TTC6: variants seen among roughly 807,000 people sequenced by gnomAD.
TTC6 encodes the protein tetratricopeptide repeat domain 6.
A neutral mutation model predicts 210.4 loss-of-function variants in TTC6; 172 were observed. The observed-to-expected ratio is 0.82, with a 90% CI of 0.72 to 0.93. The LOEUF is 0.93. TTC6 is among the 40% of genes least tolerant of loss of function. The probability of loss-of-function intolerance (pLI) is 0.00; values close to 1 mark genes in which losing one functional copy is unlikely to be tolerated. For missense variants in TTC6, 2,414 were observed against 2,318.1 expected, an observed-to-expected ratio of 1.04 and a Z score of -0.85; for synonymous variants, 804 against 819.6, an observed-to-expected ratio of 0.98 and a Z score of 0.32.
chr14:37,806,362 C>G (rs979837927), exon 22 of TTC6: 1 of 1,534,760 alleles, frequency 6.5e-7, no homozygotes, highest in African/African-American at 1.4e-5. Context: ...CTCCTGTAGG[C>G]TTTTGATTCT....
chr14:37,662,196 A>G (rs1384437440), intron 1 of TTC6, among the ~76,000 whole-genome samples: 1 of 152,184 alleles, frequency 6.6e-6, no homozygotes, highest in Non-Finnish European at 1.5e-5. Context: ...TATGTTAAAT[A>G]GGAGTGGTGA....
At chr14:37,734,900 ATTG>A (rs2095897485) in intron 7 of TTC6, among the ~76,000 whole-genome samples, 1 of 152,198 alleles carries the variant, frequency 6.6e-6, no homozygotes, top group African/African-American at 2.4e-5. Flanking sequence ...TTTTGTCCTT[ATTG>A]TTGTTAAAAG....
exon 27 of TTC6, chr14:37,823,821 A>T: frequency 6.2e-7 from 1 of 1,614,014 alleles, no homozygotes; most frequent in Non-Finnish European, 8.5e-7. Flanking sequence ...CTGGATGCTT[A>T]TGTTGGACGG....
In TTC6 at chr14:37,659,152, C is replaced by A. The variant is rs150944344; in HGVS notation, c.940-20999C>A. Among the ~76,000 whole-genome samples the A allele has an allele frequency of 3.9e-5, 6 of 151,962 alleles. 1 individual carries two copies. Among genetic ancestry groups the A allele is most frequent in the African/African-American group, 9.7e-5 (4 of 41,366 alleles). On this transcript the variant is annotated intron_variant, in intron 1 of 30. Transcript: ENST00000553443. ...GCTGCATAGTATTTCATGGTATATA[C>A]GTACCACATTTTCTTTATTCACTCT...
At chr14:37,782,871 A>C (rs2096058592) in intron 14 of TTC6, among the ~76,000 whole-genome samples, 1 of 152,170 alleles carries the variant, frequency 6.6e-6, no homozygotes, top group Admixed American at 6.5e-5. Context: ...CCTTTTCTGC[A>C]TCTATTGAGA....
At chr14:37,793,833 CAA>C (rs1407641848) in intron 17 of TTC6, among the ~76,000 whole-genome samples, 1 of 152,018 alleles carries the variant, frequency 6.6e-6, no homozygotes, top group East Asian at 1.9e-4. Flanking sequence ...GAGATGGAGA[CAA>C]GAGTGAATAG....
chr14:37,719,549 A>G (rs67967140), intron 6 of TTC6, among the ~76,000 whole-genome samples: 10,901 of 152,198 alleles, frequency 0.072, 465 homozygotes, highest in African/African-American at 0.12. Context: ...ATGGACTCCT[A>G]CAGATATGCA....
chr14:37,780,101 G>T (rs1389728015), intron 14 of TTC6, among the ~76,000 whole-genome samples: 4 of 152,032 alleles, frequency 2.6e-5, no homozygotes, highest in East Asian at 1.9e-4. Context: ...ATTACAAAAG[G>T]TTTATTCTGT....
At chr14:37,596,600 G>A (rs919468361) in intron 1 of TTC6, among the ~76,000 whole-genome samples, 1 of 152,236 alleles carries the variant, frequency 6.6e-6, no homozygotes, top group African/African-American at 2.4e-5. Flanking sequence ...GAGATGGTGC[G>A]TGTGTTTTGA....
At chr14:37,673,440 A>G (rs1343653812) in intron 1 of TTC6, among the ~76,000 whole-genome samples, 1 of 152,182 alleles carries the variant, frequency 6.6e-6, no homozygotes, top group African/African-American at 2.4e-5. Flanking sequence ...CTAAGTGCTG[A>G]TGAAATCATA....
chr14:37,737,396 AG>A (rs1434345351), intron 8 of TTC6, among the ~76,000 whole-genome samples: 1 of 151,148 alleles, frequency 6.6e-6, no homozygotes, highest in Admixed American at 6.7e-5. Flanking sequence ...TGTACATAGC[AG>A]GTACTTGGTG....
At chr14:37,838,757 G>A (rs1333158675) in intron 29 of TTC6, among the ~76,000 whole-genome samples, 1 of 152,064 alleles carries the variant, frequency 6.6e-6, no homozygotes, top group African/African-American at 2.4e-5. Context: ...AGGTGTAAAT[G>A]TGCCATGTGG....
At chr14:37,784,219 G>A (rs1026654404) in intron 14 of TTC6, among the ~76,000 whole-genome samples, 4 of 152,068 alleles carry the variant, frequency 2.6e-5, no homozygotes, top group African/African-American at 9.7e-5. Context: ...TTGACAGTGG[G>A]GTGTTAAAGT....
chr14:37,799,520 A>G (rs1286769557), intron 20 of TTC6, among the ~76,000 whole-genome samples: 2 of 152,116 alleles, frequency 1.3e-5, no homozygotes, highest in African/African-American at 2.4e-5. Flanking sequence ...AGTGGAACCT[A>G]TGTCTCACTT....
At chr14:37,634,769 T>G (rs1237008706) in intron 1 of TTC6, among the ~76,000 whole-genome samples, 1 of 152,176 alleles carries the variant, frequency 6.6e-6, no homozygotes, top group Non-Finnish European at 1.5e-5. Context: ...AGAAAATAAT[T>G]TGAGAGTAGA....
At chr14:37,836,657 AC>A (rs1349481070) in intron 29 of TTC6, among the ~76,000 whole-genome samples, 1 of 151,896 alleles carries the variant, frequency 6.6e-6, no homozygotes, top group African/African-American at 2.4e-5. Context: ...TACAGTGCAC[AC>A]TCCCTCCAGA....
chr14:37,776,817 G>A (rs1047890428), intron 14 of TTC6, among the ~76,000 whole-genome samples: 4 of 151,718 alleles, frequency 2.6e-5, no homozygotes, highest in Non-Finnish European at 5.9e-5. Flanking sequence ...TCTGGGTTGG[G>A]CGGGGGCGGG....
upstream of TTC6, among the ~76,000 whole-genome samples, chr14:37,621,573 T>G (rs1009599168): frequency 6.6e-6 from 1 of 152,202 alleles, no homozygotes; most frequent in Non-Finnish European, 1.5e-5. Flanking sequence ...CATGCCACTG[T>G]ACTCCAGTCA....
At chr14:37,786,135 C>G (rs1041946562) in intron 14 of TTC6, among the ~76,000 whole-genome samples, 2 of 152,268 alleles carry the variant, frequency 1.3e-5, no homozygotes, top group South Asian at 2.1e-4. Context: ...CTGGGAGAAC[C>G]ACTACTCTCT....
Sources: gnomAD v4.1 joint callset for allele counts (sites outside exome capture counted in the v4.1 genomes callset) on GRCh38, gnomAD v4.1.1 for gene constraint, MANE v1.5 for transcripts, NCBI Gene and HGNC (gene_info 2026-07-23, HGNC 2026-07-21) for gene names.